DIP2C: variants seen among roughly 807,000 people sequenced by gnomAD.
DIP2C encodes disco-interacting protein 2 homolog C.
In DIP2C, 33 loss-of-function variants were observed where a neutral mutation model predicts 192.4. That is an observed-to-expected ratio of 0.17 (90% CI 0.13 to 0.23). The LOEUF is 0.23. Among genes scored for constraint, DIP2C ranks in the 10% least tolerant of loss-of-function variants. The pLI is 1.00. For synonymous variants in DIP2C, 979 were observed against 864.1 expected (o/e 1.13, Z -2.33); for missense variants, 1,537 against 2,110.1 (o/e 0.73, Z 5.32).
At chr10:300,085 T>C (rs979966659) in intron 32 of DIP2C, among the ~76,000 whole-genome samples, 3 of 152,186 alleles carry the variant, frequency 2.0e-5, no homozygotes, top group Admixed American at 6.5e-5. Context: ...ATGCAGCGGC[T>C]GTGGAAAACA....
chr10:320,391 C>G (rs983317231), intron 31 of DIP2C, among the ~76,000 whole-genome samples: 7 of 151,796 alleles, frequency 4.6e-5, no homozygotes, highest in African/African-American at 1.7e-4. Context: ...GCCTGTAATA[C>G]CAGCTACTTG....
At chr10:635,293 C>A (rs1588646439) in intron 1 of DIP2C, among the ~76,000 whole-genome samples, 1 of 152,264 alleles carries the variant, frequency 6.6e-6, no homozygotes, top group African/African-American at 2.4e-5. Context: ...CTTTCCTGCA[C>A]ACTGAAGTCC....
chr10:358,002 C>T, intron 22 of DIP2C, 65 bp from the exon 23 acceptor site: 1 of 1,272,500 alleles, frequency 7.9e-7, no homozygotes, highest in Middle Eastern at 1.9e-4. Flanking sequence ...CTAGACCTCC[C>T]ACTTTGGTAA....
chr10:440,272 G>A (rs904703319), intron 4 of DIP2C, among the ~76,000 whole-genome samples: 7 of 152,266 alleles, frequency 4.6e-5, no homozygotes, highest in Admixed American at 2.6e-4. Context: ...AATCTGGTCC[G>A]CTGTTCTTAT....
In DIP2C at chr10:512,269, A is replaced by C. The variant is rs181829601; in HGVS notation, c.86-25739T>G. On this transcript the variant is annotated intron_variant, in intron 1 of 36. Transcript: ENST00000280886. Reference sequence around the variant, plus strand: ...AAGTTGACTTCTAATCCTGGAAGGGAAAAAAATGGGCCAGATGTGGTGCTC... The same window carrying C: ...AAGTTGACTTCTAATCCTGGAAGGGCAAAAAATGGGCCAGATGTGGTGCTC... Among the ~76,000 whole-genome samples the C allele has an allele frequency of 2.0e-3, 310 of 152,248 alleles. 1 individual carries two copies. The highest frequency in any genetic ancestry group is 0.014 in the Middle Eastern group (4 of 294).
At chr10:380,391 G>A (rs1162971125) in intron 17 of DIP2C, among the ~76,000 whole-genome samples, 1 of 151,512 alleles carries the variant, frequency 6.6e-6, no homozygotes, top group East Asian at 1.9e-4. Flanking sequence ...CTGGATGATG[G>A]TTAATGCGCA....
At chr10:526,948 T>C (rs1223487412) in intron 1 of DIP2C, among the ~76,000 whole-genome samples, 1 of 152,136 alleles carries the variant, frequency 6.6e-6, no homozygotes, top group Non-Finnish European at 1.5e-5. Context: ...CTCATCCAAG[T>C]CTGTTTAGAA....
At chr10:642,551 AC>A (rs1855247432) in intron 1 of DIP2C, among the ~76,000 whole-genome samples, 1 of 152,250 alleles carries the variant, frequency 6.6e-6, no homozygotes, top group South Asian at 2.1e-4. Context: ...ACATTGGCCA[AC>A]ACAACTAGTG....
chr10:365,137 G>C (rs1252359464), intron 19 of DIP2C: 2 of 419,624 alleles, frequency 4.8e-6, no homozygotes, highest in Non-Finnish European at 9.7e-6. Flanking sequence ...ATTTAGATTT[G>C]TATCCAGCTC....
At chr10:424,800 T>A (rs1966464554) in intron 4 of DIP2C, among the ~76,000 whole-genome samples, 1 of 152,224 alleles carries the variant, frequency 6.6e-6, no homozygotes, top group African/African-American at 2.4e-5. Context: ...CTCACAACTC[T>A]TTACAATCTT....
At chr10:542,139 T>C (rs1848026771) in intron 1 of DIP2C, among the ~76,000 whole-genome samples, 1 of 152,100 alleles carries the variant, frequency 6.6e-6, no homozygotes, top group African/African-American at 2.4e-5. Flanking sequence ...CACATCCCAC[T>C]TGCCTGCTGG....
At chr10:336,662 A>C (rs1957781792) in intron 29 of DIP2C, among the ~76,000 whole-genome samples, 1 of 152,252 alleles carries the variant, frequency 6.6e-6, no homozygotes, top group South Asian at 2.1e-4. Flanking sequence ...AGTAAATTGT[A>C]AAACAGCCTC....
intron 17 of DIP2C, among the ~76,000 whole-genome samples, chr10:377,657 G>T (rs1054765154): frequency 2.0e-5 from 3 of 152,168 alleles, no homozygotes; most frequent in Non-Finnish European, 2.9e-5. Flanking sequence ...TTGGCTCAGG[G>T]CTGTGCTGAC....
At chr10:414,786 T>C (rs930635390) in intron 7 of DIP2C, among the ~76,000 whole-genome samples, 29 of 140,624 alleles carry the variant, frequency 2.1e-4, no homozygotes, top group African/African-American at 6.8e-4. Flanking sequence ...TGTATATATA[T>C]ATAAAATGTA....
At chr10:288,541 C>T in intron 32 of DIP2C, 120 bp from the exon 33 acceptor site, 1 of 1,041,440 alleles carries the variant, frequency 9.6e-7, no homozygotes, top group Non-Finnish European at 1.5e-6. Flanking sequence ...GAGCATCATC[C>T]AACAGCAAGG....
In DIP2C at chr10:666,845, C is replaced by T. The variant is rs986620999; in HGVS notation, c.85+22649G>A. The T allele has an allele frequency of 2.0e-4, 30 of 152,296 alleles. No homozygotes were observed. The highest frequency in any genetic ancestry group is 5.9e-4 in the Admixed American group (9 of 15,266). 9.4% of individuals were successfully genotyped at this position (152,296 alleles called of 1,614,324 possible). A position where few individuals can be genotyped will look rare whatever the true frequency, so the allele number is the denominator to read the frequency against. ...CCCCAGGAAATACCACAGGCAGACC[C>T]CGGCCGGCAAGCTGCCCCAAGAAGC... On this transcript the variant is annotated intron_variant, in intron 1 of 36. Coordinates refer to ENST00000280886, the MANE Select transcript of DIP2C (RefSeq NM_014974.3). The surrounding 1 kb of genome is among the most constrained non-coding windows in gnomAD (Gnocchi z 4.1).
chr10:341,548 C>T (rs1458249818), intron 28 of DIP2C, among the ~76,000 whole-genome samples: 20 of 148,618 alleles, frequency 1.3e-4, no homozygotes, highest in Admixed American at 8.7e-4. Flanking sequence ...CTGCACTGAA[C>T]GCAAGGCTGT....
intron 1 of DIP2C, among the ~76,000 whole-genome samples, chr10:619,745 AGCCCTCTGGT>A (rs1450504841): frequency 6.6e-6 from 1 of 152,138 alleles, no homozygotes; most frequent in Non-Finnish European, 1.5e-5. Context: ...GGCCCAGCAG[AGCCCTCTGGT>A]GCCTCCCCAT....
chr10:458,452 G>A (rs1315972712), intron 3 of DIP2C, among the ~76,000 whole-genome samples: 1 of 152,254 alleles, frequency 6.6e-6, no homozygotes, highest in Non-Finnish European at 1.5e-5. Context: ...ACAGCAAGGA[G>A]GATGCCCTCT....
Sources: gnomAD v4.1 joint callset for allele counts (sites outside exome capture counted in the v4.1 genomes callset) on GRCh38, gnomAD v4.1.1 for gene constraint, Gnocchi (gnomAD v3.1) non-coding constraint, MANE v1.5 for transcripts, NCBI Gene and HGNC (gene_info 2026-07-23, HGNC 2026-07-21) for gene names.